The following PIK3C2G variants were observed in gnomAD, a reference collection of about 807,000 sequenced individuals.
PIK3C2G encodes phosphatidylinositol-4-phosphate 3-kinase catalytic subunit type 2 gamma, also known as phosphatidylinositol 3-kinase C2 domain-containing subunit gamma.
A neutral mutation model predicts 181.1 loss-of-function variants in PIK3C2G; 168 were observed. The ratio of observed to expected loss-of-function variants is 0.93; its 90% CI spans 0.82 to 1.05. The LOEUF is 1.05. Ranked by LOEUF, PIK3C2G falls within the 50% of genes least tolerant of loss-of-function variation. The pLI, the probability that PIK3C2G is intolerant of heterozygous loss-of-function variation, is 0.00. For missense variants in PIK3C2G, 1,869 were observed against 1,732.8 expected (o/e 1.08, Z -1.40); for synonymous variants, 573 against 592.2 (o/e 0.97, Z 0.47).
At chr12:18,391,404 T>C (rs1943524787) in intron 15 of PIK3C2G, among the ~76,000 whole-genome samples, 152 bp downstream of exon 15, 1 of 152,186 alleles carries the variant, frequency 6.6e-6, no homozygotes, top group Non-Finnish European at 1.5e-5. Flanking sequence ...GGTTAATTAA[T>C]GTTTAGGACG....
intron 19 of PIK3C2G, among the ~76,000 whole-genome samples, chr12:18,489,391 C>A (rs1314706334): frequency 6.6e-6 from 1 of 151,994 alleles, no homozygotes; most frequent in African/African-American, 2.4e-5. Context: ...CAGTTTCTCT[C>A]CACTTATAAT....
At chr12:18,514,675 G>A (rs1201126985) in intron 24 of PIK3C2G, among the ~76,000 whole-genome samples, 5 of 151,824 alleles carry the variant, frequency 3.3e-5, no homozygotes, top group Admixed American at 2.6e-4. Context: ...AAATGATCAT[G>A]TCATCTGCAA....
intron 11 of PIK3C2G, among the ~76,000 whole-genome samples, 171 bp from the exon 12 acceptor site, chr12:18,362,593 T>C (rs1376797233): frequency 6.6e-6 from 1 of 152,240 alleles, no homozygotes; most frequent in African/African-American, 2.4e-5. Context: ...CCTATTCCAC[T>C]GTCTTTTTGA....
intron 4 of PIK3C2G, among the ~76,000 whole-genome samples, chr12:18,293,233 T>G (rs146718432): frequency 9.4e-4 from 143 of 152,228 alleles, no homozygotes; most frequent in African/African-American, 3.4e-3. Context: ...AACTGTGCTA[T>G]TATAAATCCT....
intron 22 of PIK3C2G, 97 bp downstream of exon 22, chr12:18,497,845 T>G: frequency 1.1e-6 from 1 of 896,558 alleles, no homozygotes; most frequent in South Asian, 2.6e-5. Flanking sequence ...CGTTTTAAAC[T>G]ACAAGTTTGA....
chr12:18,319,326 T>A (rs911455942), intron 6 of PIK3C2G, among the ~76,000 whole-genome samples: 3 of 152,106 alleles, frequency 2.0e-5, no homozygotes, highest in Non-Finnish European at 4.4e-5. Context: ...GATTTTTGTA[T>A]GAGAAAAAAA....
chr12:18,511,182 T>C (rs147903759), intron 24 of PIK3C2G, among the ~76,000 whole-genome samples: 245 of 152,272 alleles, frequency 1.6e-3, no homozygotes, highest in Middle Eastern at 3.4e-3. Context: ...AACTAAATAG[T>C]ATTTCATTGT....
the PIK3C2G span, chr12:18,693,855 C>T: frequency 1.7e-5 from 26 of 1,531,730 alleles, no homozygotes; most frequent in African/African-American, 5.5e-5. Context: ...GATGAAAAGA[C>T]GAAGAAGCCC....
intron 8 of PIK3C2G, among the ~76,000 whole-genome samples, chr12:18,332,323 C>T (rs907789811): frequency 6.6e-6 from 1 of 152,074 alleles, no homozygotes; most frequent in Non-Finnish European, 1.5e-5. Context: ...TCCACCCTTG[C>T]TTATTTATTA....
At chr12:18,654,929 CACTT>C in the PIK3C2G span, among the ~76,000 whole-genome samples, 1 of 151,936 alleles carries the variant, frequency 6.6e-6, no homozygotes, top group Non-Finnish European at 1.5e-5. Flanking sequence ...AGAAAAAAGA[CACTT>C]AGTTCTGGGA....
intron 26 of PIK3C2G, among the ~76,000 whole-genome samples, chr12:18,548,452 A>G (rs1187544024): frequency 6.6e-6 from 1 of 152,046 alleles, no homozygotes; most frequent in African/African-American, 2.4e-5. Context: ...GGCTTTATTC[A>G]TCTGCCAGAA....
In PIK3C2G at chr12:18,292,227, A is replaced by AAAAAAAAAAAATAT; in HGVS notation, c.919+1216_919+1217insAAAAAAAAAATATA. Among the ~76,000 whole-genome samples the AAAAAAAAAAAATAT allele has an allele frequency of 1.3e-3, 64 of 48,696 alleles. 1 individual carries two copies. Among genetic ancestry groups the AAAAAAAAAAAATAT allele is most frequent in the East Asian group, 4.1e-3 (6 of 1,468 alleles). The allele number at this position is 48,696 out of a possible 152,430, so 31.9% of individuals were successfully genotyped here. On this transcript the variant is annotated intron_variant, in intron 4 of 32. Transcript: ENST00000538779. Reference sequence around the variant, plus strand: ...CTCCATCTCAAAAAAAAAAAAAAAAAATATATATATATATATATATATATA... The same window carrying AAAAAAAAAAAATAT: ...CTCCATCTCAAAAAAAAAAAAAAAAAAAAAAAAAAAATATATATATATATATATATATATATATA...
rs59178829 is a variant in PIK3C2G at position 18,427,500 on chromosome 12, TAAAAAAAA to T, written c.2504+3473_2504+3480del. On this transcript the variant is annotated intron_variant, in intron 18 of 32. Coordinates refer to ENST00000538779, the MANE Select transcript of PIK3C2G (RefSeq NM_001288772.2). ...TGGGCTGACAACAGCGAGACTCCAT[TAAAAAAAA>T]AAAAAAAAAAAGTTTTAAAAGTATA... 3.7e-4 allele frequency among the ~76,000 whole-genome samples: 42 copies of T among 114,844 alleles called. No individual in the cohort carries two copies. The South Asian group carries it at 0.011, about 30-fold the overall frequency. The allele number at this position is 114,844 out of a possible 152,430, so 75.3% of individuals were successfully genotyped here. A position where few individuals can be genotyped will look rare whatever the true frequency, so the allele number is the denominator to read the frequency against.
At chr12:18,551,225 T>G (rs1944712415) in intron 26 of PIK3C2G, among the ~76,000 whole-genome samples, 1 of 152,080 alleles carries the variant, frequency 6.6e-6, no homozygotes, top group South Asian at 2.1e-4. Flanking sequence ...GAAAGTATCA[T>G]GACACAGTCC....
At position 18,546,050 on chromosome 12, in the gene PIK3C2G, G is replaced by C. The variant is rs1435094397; in HGVS notation, c.3481-273G>C. Among the ~76,000 whole-genome samples, 4 of 151,944 alleles carry C rather than the reference G, an allele frequency of 2.6e-5. No homozygotes were observed. The East Asian group carries it at 7.8e-4, about 30-fold the overall frequency. The stretch of plus-strand genomic sequence containing the variant: ...GGATAATATCATGCTTATTTCACTG[G>C]TTTATGATGAGAATAAAACTGAATT... On this transcript the variant is annotated intron_variant, in intron 25 of 32. Transcript: ENST00000538779.
At chr12:18,693,354 C>T in the PIK3C2G span, 2 of 1,597,724 alleles carry the variant, frequency 1.3e-6, no homozygotes, top group Non-Finnish European at 1.7e-6. Flanking sequence ...GTTGGACAAC[C>T]AAATTCGGGA....
chr12:18,284,950 T>C (rs1442116301), intron 2 of PIK3C2G, among the ~76,000 whole-genome samples: 1 of 152,040 alleles, frequency 6.6e-6, no homozygotes, highest in Admixed American at 6.6e-5. Context: ...GGGAGCAAAA[T>C]TAATTTGAAG....
At chr12:18,369,506 G>T (rs1475357972) in intron 12 of PIK3C2G, among the ~76,000 whole-genome samples, 5 of 100,186 alleles carry the variant, frequency 5.0e-5, no homozygotes, top group East Asian at 6.7e-4. Context: ...ATCATATAAC[G>T]ATCGTATAAT....
chr12:18,654,166 T>C, the PIK3C2G span, among the ~76,000 whole-genome samples: 1 of 151,942 alleles, frequency 6.6e-6, no homozygotes, highest in Non-Finnish European at 1.5e-5. Context: ...AATGAAATGC[T>C]AGTAGCTGGA....
Sources: gnomAD v4.1 joint callset for allele counts (sites outside exome capture counted in the v4.1 genomes callset) on GRCh38, gnomAD v4.1.1 for gene constraint, MANE v1.5 for transcripts, NCBI Gene and HGNC (gene_info 2026-07-23, HGNC 2026-07-21) for gene names.